SH3BP2: variants seen among roughly 807,000 people sequenced by gnomAD.
SH3BP2 encodes SH3 domain-binding protein 2.
Under a neutral mutation model 56.2 loss-of-function variants are expected in SH3BP2, and 38 were observed. The ratio of observed to expected loss-of-function variants is 0.68; its 90% CI spans 0.52 to 0.89. The LOEUF is 0.89. Among genes scored for constraint, SH3BP2 ranks in the 40% least tolerant of loss-of-function variants. The pLI is 0.00. For missense variants in SH3BP2, 748 were observed against 762.6 expected (o/e 0.98, Z 0.23); for synonymous variants, 346 against 316.7 (o/e 1.09, Z -0.98).
intron 7 of SH3BP2, among the ~76,000 whole-genome samples, chr4:2,828,865 C>T (rs1213931593): frequency 6.6e-6 from 1 of 152,184 alleles, no homozygotes; most frequent in African/African-American, 2.4e-5. Flanking sequence ...TCCAGGCGCC[C>T]CGTGCTCCCG....
At chr4:2,833,218 G>A in intron 12 of SH3BP2, 169 bp downstream of exon 12, 1 of 687,460 alleles carries the variant, frequency 1.5e-6, no homozygotes, top group South Asian at 1.6e-5. Context: ...CTCCTGCTCA[G>A]CCTCCCTCCT....
intron 12 of SH3BP2, chr4:2,833,271 G>C: frequency 1.6e-6 from 1 of 626,978 alleles, no homozygotes. Flanking sequence ...AGTGGGGATG[G>C]GCGGTCAGCC....
At chr4:2,824,094 C>T (rs1230750431) in intron 3 of SH3BP2, among the ~76,000 whole-genome samples, 3 of 152,330 alleles carry the variant, frequency 2.0e-5, no homozygotes, top group East Asian at 3.9e-4. Context: ...TCTTATGGGC[C>T]GTATAAGTGC....
rs2108748328 is a variant in SH3BP2 at position 2,840,009 on chromosome 4, G to C, written c.*6175G>C. On this transcript the variant is annotated 3_prime_UTR_variant, in exon 13 of 13. Coordinates refer to ENST00000503393, the MANE Select transcript of SH3BP2 (RefSeq NM_001122681.2). Reference sequence around the variant, plus strand: ...GGGGGCAGAGGCAGGAGGATTACTTGAGCTCAGGAGTTTGAGACCAACCTG... The same window carrying C: ...GGGGGCAGAGGCAGGAGGATTACTTCAGCTCAGGAGTTTGAGACCAACCTG... The C allele has an allele frequency of 6.6e-6, 1 of 152,050 alleles. No individual in the cohort carries two copies. Among genetic ancestry groups the C allele is most frequent in the South Asian group, 2.1e-4 (1 of 4,826 alleles). 9.4% of individuals were successfully genotyped at this position (152,050 alleles called of 1,614,324 possible).
chr4:2,833,805 C>T lies in SH3BP2; in HGVS notation c.1657C>T (p.His553Tyr), dbSNP rs1333168853. ...CAGCCACCAGAGCCTGCTGCTGCGG[C>T]ACCCCTACGGCTACACTGGGCCTAG... ...LPSHQSLLLR[H>Y]PYGYTGPR Residue 553 changes from histidine to tyrosine, a missense_variant, in exon 13 of 13, where the codon CAC (histidine) becomes TAC (tyrosine). His to Tyr is a moderately conservative substitution (Grantham distance 83). Coordinates refer to ENST00000503393, the MANE Select transcript of SH3BP2 (RefSeq NM_001122681.2). The T allele has an allele frequency of 6.3e-7, 1 of 1,587,292 alleles. No homozygotes were observed. The highest frequency in any genetic ancestry group is 8.6e-7 in the Non-Finnish European group (1 of 1,166,910).
intron 4 of SH3BP2, 131 bp from the exon 5 acceptor site, chr4:2,824,995 G>A (rs1724519048): frequency 2.3e-6 from 2 of 853,862 alleles, no homozygotes; most frequent in Admixed American, 2.0e-5. Flanking sequence ...ACACAGCCAT[G>A]TTGTATCCAG....
At chr4:2,797,013 A>C (rs1465201093) in intron 1 of SH3BP2, among the ~76,000 whole-genome samples, 1 of 152,216 alleles carries the variant, frequency 6.6e-6, no homozygotes, top group Admixed American at 6.5e-5. Flanking sequence ...CCAGATCCCC[A>C]GGCCCGAGCT....
At chr4:2,805,024 T>C (rs1723473288) in intron 1 of SH3BP2, among the ~76,000 whole-genome samples, 1 of 152,192 alleles carries the variant, frequency 6.6e-6, no homozygotes, top group Admixed American at 6.5e-5. Flanking sequence ...TCCAGCAGCC[T>C]AGCCCTCCTA....
chr4:2,811,090 G>A lies in SH3BP2; in HGVS notation c.-4-9524G>A, dbSNP rs553041741. Among the ~76,000 whole-genome samples, 51 of 152,376 alleles carry A rather than the reference G, an allele frequency of 3.3e-4. 1 individual carries two copies. The highest frequency in any genetic ancestry group is 1.2e-3 in the African/African-American group (48 of 41,592). On this transcript the variant is annotated intron_variant, in intron 1 of 12. Transcript: ENST00000503393. The stretch of plus-strand genomic sequence containing the variant: ...CAAGCTCCTCACCCTCTAGGAGACA[G>A]TGGGGTGTCTGCAGCCCAAACGGGC...
chr4:2,793,169 T>G (rs1378612692), intron 1 of SH3BP2, 31 bp downstream of exon 1: 1 of 143,828 alleles, frequency 7.0e-6, no homozygotes, highest in African/African-American at 2.6e-5. Context: ...TCGGCGGGTC[T>G]CGGGGGTCTC....
At chr4:2,802,657 ATGTG>A (rs144939379) in intron 1 of SH3BP2, among the ~76,000 whole-genome samples, 28 of 141,806 alleles carry the variant, frequency 2.0e-4, no homozygotes, top group African/African-American at 6.7e-4. Context: ...ATATATGTAT[ATGTG>A]TGTGTGTGTG....
chr4:2,802,671 GTGTA>G (rs1041345775), intron 1 of SH3BP2, among the ~76,000 whole-genome samples: 5 of 137,028 alleles, frequency 3.6e-5, no homozygotes, highest in Admixed American at 7.4e-5. Flanking sequence ...GTGTGTGTGT[GTGTA>G]TATATATATG....
chr4:2,824,854 A>G (rs997758449), intron 4 of SH3BP2, 124 bp downstream of exon 4: 1 of 790,874 alleles, frequency 1.3e-6, no homozygotes, highest in African/African-American at 1.7e-5. Flanking sequence ...GGGCAAAGAG[A>G]AGGTGTGGCT....
chr4:2,833,380 C>T, intron 12 of SH3BP2: 4 of 570,910 alleles, frequency 7.0e-6, no homozygotes, highest in Non-Finnish European at 1.3e-5. Context: ...CTCAAGCAAT[C>T]CTCCCACCTC....
At chr4:2,814,487 A>T (rs1265727904) in intron 1 of SH3BP2, among the ~76,000 whole-genome samples, 1 of 150,056 alleles carries the variant, frequency 6.7e-6, no homozygotes, top group African/African-American at 2.5e-5. Flanking sequence ...CGTCTTCCCT[A>T]ATGTGCATGT....
Position 2,810,902 on chromosome 4 carries a change from T to C in SH3BP2, c.-4-9712T>C, listed in dbSNP as rs914212554. ...AAGAGAATGGGAAGAGGCCCCACTC[T>C]GTCCGTGCCCTCCTCGCTGCCCTCT... On this transcript the variant is annotated intron_variant, in intron 1 of 12. Coordinates refer to ENST00000503393, the MANE Select transcript of SH3BP2 (RefSeq NM_001122681.2). The surrounding 1 kb of genome is among the most constrained non-coding windows in gnomAD (Gnocchi z 4.2). 1.3e-5 allele frequency among the ~76,000 whole-genome samples: 2 copies of C among 152,222 alleles called. No homozygotes were observed. The highest frequency in any genetic ancestry group is 4.8e-5 in the African/African-American group (2 of 41,466).
chr4:2,823,491 C>T, intron 3 of SH3BP2: 1 of 457,202 alleles, frequency 2.2e-6, no homozygotes, highest in South Asian at 1.5e-5. Context: ...GATCAGTTTC[C>T]AGCTTCACGC....
intron 1 of SH3BP2, among the ~76,000 whole-genome samples, chr4:2,803,711 C>G (rs573440066): frequency 6.6e-6 from 1 of 152,106 alleles, no homozygotes; most frequent in Non-Finnish European, 1.5e-5. Flanking sequence ...AGGTGGGTGC[C>G]TTCTCTTACC....
chr4:2,804,179 T>G (rs895180742), intron 1 of SH3BP2, among the ~76,000 whole-genome samples: 3 of 151,954 alleles, frequency 2.0e-5, no homozygotes, highest in Admixed American at 6.5e-5. Flanking sequence ...TCTCTGGGGG[T>G]CTCCTTCTGT....
Sources: gnomAD v4.1 joint callset for allele counts (sites outside exome capture counted in the v4.1 genomes callset) on GRCh38, gnomAD v4.1.1 for gene constraint, Gnocchi (gnomAD v3.1) non-coding constraint, MANE v1.5 for transcripts, NCBI Gene and HGNC (gene_info 2026-07-23, HGNC 2026-07-21) for gene names.